The following SPATA18 variants were observed in gnomAD, a reference collection of about 807,000 sequenced individuals.
The protein encoded by SPATA18 is spermatogenesis associated 18.
A neutral mutation model predicts 68.1 loss-of-function variants in SPATA18; 54 were observed. The ratio of observed to expected loss-of-function variants is 0.79; its 90% CI spans 0.64 to 0.99. SPATA18 has a LOEUF of 0.99. SPATA18 is among the 50% of genes least tolerant of loss of function. SPATA18 has a pLI of 0.00. For synonymous variants in SPATA18, 242 were observed against 244.8 expected, an observed-to-expected ratio of 0.99 and a Z score of 0.11; for missense variants, 724 against 681.1, an observed-to-expected ratio of 1.06 and a Z score of -0.70.
chr4:52,069,942 G>T (rs1361254324), intron 5 of SPATA18, 26 bp downstream of exon 5: 6 of 1,536,918 alleles, frequency 3.9e-6, no homozygotes, highest in Admixed American at 3.5e-5. Context: ...CAGGATTATT[G>T]CAGCCTAAAT....
chr4:52,062,187 T>G (rs1738918324), intron 3 of SPATA18, 33 bp from the exon 4 acceptor site: 1 of 5,538 alleles, frequency 1.8e-4, no homozygotes, highest in Non-Finnish European at 9.4e-4. Flanking sequence ...ATTCAGACTG[T>G]TTTTTTTTTT....
At chr4:52,062,369 T>C (rs766307546) in intron 4 of SPATA18, 37 bp downstream of exon 4, 25 of 1,388,968 alleles carry the variant, frequency 1.8e-5, no homozygotes, top group Non-Finnish European at 2.4e-5. Context: ...CCAAAAAGAA[T>C]TGTTTTCAAT....
intron 4 of SPATA18, among the ~76,000 whole-genome samples, chr4:52,066,131 A>G (rs1190022894): frequency 6.6e-6 from 1 of 152,026 alleles, no homozygotes; most frequent in Admixed American, 6.6e-5. Flanking sequence ...GTTTTATTGT[A>G]TCAAGTCATC....
intron 1 of SPATA18, among the ~76,000 whole-genome samples, chr4:52,052,843 C>G (rs1473563506): frequency 6.6e-6 from 1 of 152,196 alleles, no homozygotes; most frequent in East Asian, 1.9e-4. Context: ...AACCAGTGCT[C>G]CTGAAGTGGA....
In SPATA18 at chr4:52,096,361, A is replaced by G. The variant is rs1212674156; in HGVS notation, c.*1474A>G. The stretch of plus-strand genomic sequence containing the variant: ...CTTCACTTCTCTGAGCCTTGGTTTT[A>G]TCATAGGGTGAGGAGGTTGGATACA... On this transcript the variant is annotated 3_prime_UTR_variant, in exon 13 of 13. Coordinates refer to ENST00000295213, the MANE Select transcript of SPATA18 (RefSeq NM_145263.4). 2.0e-5 allele frequency: 3 copies of G among 152,088 alleles called. No homozygotes were observed. The highest frequency in any genetic ancestry group is 2.1e-4 in the South Asian group (1 of 4,822). The allele number at this position is 152,088 out of a possible 1,614,324, so 9.4% of individuals were successfully genotyped here. A position where few individuals can be genotyped will look rare whatever the true frequency, so the allele number is the denominator to read the frequency against.
chr4:52,079,916 G>C lies in SPATA18; in HGVS notation c.1352G>C (p.Cys451Ser), dbSNP rs772709772. 5.6e-6 allele frequency: 9 copies of C among 1,610,998 alleles called. No individual in the cohort carries two copies. In the Admixed American group the frequency reaches 1.3e-4, roughly 24 times the overall value. The change falls in exon 9 of 13, where the codon TGC (cysteine) becomes TCC (serine). Residue 451 changes from cysteine to serine, a missense_variant. Transcript: ENST00000295213. The stretch of plus-strand genomic sequence containing the variant: ...GCAGATGGAGAAGTTTTTAATGATT[G>C]CAAGTAAGAGACACAGGAGCAGAAG... ...YGADGEVFNDCKYRRSYDSDF... is the reference protein window; with the variant it reads ...YGADGEVFNDSKYRRSYDSDF...
Position 52,051,625 on chromosome 4 carries a change from C to A in SPATA18, c.-80C>A, listed in dbSNP as rs1269674069. Reference sequence around the variant, plus strand: ...AGAGAACACCCTTCCCGCCATATCACCCCACGGTCCTGCGGAGGCCACCGC... The same window carrying A: ...AGAGAACACCCTTCCCGCCATATCAACCCACGGTCCTGCGGAGGCCACCGC... On this transcript the variant is annotated 5_prime_UTR_variant, in exon 1 of 13. Transcript: ENST00000295213. 16 of 1,331,662 alleles carry A rather than the reference C, an allele frequency of 1.2e-5. No individual in the cohort carries two copies. Among genetic ancestry groups the A allele is most frequent in the Middle Eastern group, 3.7e-4 (2 of 5,372 alleles). The allele number at this position is 1,331,662 out of a possible 1,614,324, so 82.5% of individuals were successfully genotyped here.
rs758283137 is a variant in SPATA18, at chr4:52,076,889, G to T, written c.869G>T (p.Arg290Leu). 8.1e-6 allele frequency: 13 copies of T among 1,614,162 alleles called. No homozygotes were observed. The South Asian group carries it at 1.1e-4, about 14-fold the overall frequency. The change falls in exon 7 of 13, where the codon CGC (arginine) becomes CTC (leucine). Residue 290 changes from arginine to leucine, a missense_variant. Coordinates refer to ENST00000295213, the MANE Select transcript of SPATA18 (RefSeq NM_145263.4). ...AAGGTCAGGAGACCGTCCCCAAACC[G>T]CTCCAAGCTGTCCAATGTGGCGCGC... ...AVKVRRPSPN[R>L]SKLSNVARKA...
At position 52,071,924 on chromosome 4, in the gene SPATA18, T is replaced by C. The variant is rs1739879822; in HGVS notation, c.526T>C (p.Ser176Pro). Residue 176 changes from serine to proline, a missense_variant, in exon 6 of 13, where the codon TCT becomes CCT. Ser to Pro is a moderately conservative substitution (Grantham distance 74, BLOSUM62 -1). Transcript: ENST00000295213. The part of the protein sequence containing the change: ...EINQLKKQLK[S>P]LQAQEDARHR... ...TCTCTCTTTGCTGTTCAGGCTTAAA[T>C]CTCTTCAAGCTCAGGAGGATGCCCG... The C allele has an allele frequency of 2.5e-6, 4 of 1,613,272 alleles. No individual in the cohort carries two copies. The highest frequency in any genetic ancestry group is 3.3e-5 in the Admixed American group (2 of 59,936).
Position 52,094,931 on chromosome 4 carries a change from G to C in SPATA18, c.*44G>C, listed in dbSNP as rs775123849. 6.2e-7 allele frequency: 1 copy of C among 1,612,970 alleles called. No homozygotes were observed. The highest frequency in any genetic ancestry group is 1.7e-5 in the Admixed American group (1 of 59,992). ...TTTGACCCAGTGCGTGGAAACAGCT[G>C]CTTTCTCCAGTGCCGCCATCTGTCT... is the stretch of plus-strand genomic sequence containing the variant. On this transcript the variant is annotated 3_prime_UTR_variant, in exon 13 of 13. Transcript: ENST00000295213.
chr4:52,088,426 CT>C (rs1741629890), intron 11 of SPATA18, among the ~76,000 whole-genome samples: 1 of 152,062 alleles, frequency 6.6e-6, no homozygotes, highest in African/African-American at 2.4e-5. Context: ...ATAAATAGCT[CT>C]TATTATTTTG....
At chr4:52,075,749 G>A (rs762169053) in intron 6 of SPATA18, among the ~76,000 whole-genome samples, 1 of 152,216 alleles carries the variant, frequency 6.6e-6, no homozygotes, top group Non-Finnish European at 1.5e-5. Context: ...GCCGGCATCA[G>A]CGGCCCGGTA....
chr4:52,059,685 C>T (rs895935394), intron 1 of SPATA18, among the ~76,000 whole-genome samples: 6 of 152,328 alleles, frequency 3.9e-5, no homozygotes, highest in South Asian at 2.1e-4. Context: ...CTTATTATTC[C>T]GCTGCAGAGT....
intron 11 of SPATA18, among the ~76,000 whole-genome samples, chr4:52,092,101 G>C (rs1742011795): frequency 6.6e-6 from 1 of 152,210 alleles, no homozygotes; most frequent in African/African-American, 2.4e-5. Flanking sequence ...TGCTGTGCTG[G>C]CAGTGAGAAT....
chr4:52,093,801 T>G (rs1742184902), intron 11 of SPATA18, among the ~76,000 whole-genome samples: 1 of 152,194 alleles, frequency 6.6e-6, no homozygotes, highest in Non-Finnish European at 1.5e-5. Flanking sequence ...ACACATTAAT[T>G]TAAACTTTAG....
chr4:52,069,342 G>T (rs953001388), intron 4 of SPATA18, among the ~76,000 whole-genome samples: 1 of 152,162 alleles, frequency 6.6e-6, no homozygotes, highest in Non-Finnish European at 1.5e-5. Flanking sequence ...GATTGTCAAG[G>T]GTGATTGTGA....
chr4:52,052,848 A>G (rs1005629975), intron 1 of SPATA18, among the ~76,000 whole-genome samples: 1 of 152,204 alleles, frequency 6.6e-6, no homozygotes, highest in African/African-American at 2.4e-5. Context: ...GTGCTCCTGA[A>G]GTGGAGGGGA....
chr4:52,092,440 C>T (rs554338721), intron 11 of SPATA18, among the ~76,000 whole-genome samples: 16 of 152,322 alleles, frequency 1.1e-4, no homozygotes, highest in African/African-American at 2.4e-4. Flanking sequence ...CAGACCCTCA[C>T]GGCTTCCCTT....
chr4:52,058,793 G>C (rs1489364501), intron 1 of SPATA18, among the ~76,000 whole-genome samples: 1 of 152,172 alleles, frequency 6.6e-6, no homozygotes. Context: ...GGCTCTGGAA[G>C]CTGGGCTGCT....
Sources: allele counts gnomAD v4.1 joint callset (sites outside exome capture counted in the v4.1 genomes callset), GRCh38; gene constraint gnomAD v4.1.1; transcripts MANE v1.5; gene names NCBI Gene and HGNC (gene_info 2026-07-23, HGNC 2026-07-21).